The following NDNF variants were observed in gnomAD, a reference collection of about 807,000 sequenced individuals.
NDNF encodes neuron derived neurotrophic factor, also known as protein NDNF.
Under a neutral mutation model 42.0 loss-of-function variants are expected in NDNF, and 16 were observed. The ratio of observed to expected loss-of-function variants is 0.38; its 90% CI spans 0.26 to 0.58. The LOEUF (loss-of-function observed/expected upper bound fraction) is 0.58, where lower values mean the gene tolerates loss of function less well. Ranked by LOEUF, NDNF falls within the 20% of genes least tolerant of loss-of-function variation. The pLI is 0.67. For synonymous variants in NDNF, 248 were observed against 251.7 expected (o/e 0.99, Z 0.14); for missense variants, 616 against 666.2 (o/e 0.92, Z 0.83).
At chr4:121,039,794 A>C in intron 3 of NDNF, 136 bp downstream of exon 3, 1 of 960,948 alleles carries the variant, frequency 1.0e-6, no homozygotes, top group Non-Finnish European at 1.5e-6. Flanking sequence ...CACTTCCCTT[A>C]TCTCCGTCTC....
intron 2 of NDNF, among the ~76,000 whole-genome samples, chr4:121,041,348 C>A (rs931566025): frequency 6.6e-5 from 10 of 152,142 alleles, no homozygotes; most frequent in Admixed American, 6.5e-5. Context: ...GTGGATTGAA[C>A]CTCCTGGATA....
chr4:121,059,364 T>C (rs1408311707), intron 1 of NDNF, among the ~76,000 whole-genome samples: 1 of 152,196 alleles, frequency 6.6e-6, no homozygotes, highest in African/African-American at 2.4e-5. Context: ...GTTGCTGATG[T>C]GTAGAATTTG....
intron 1 of NDNF, among the ~76,000 whole-genome samples, chr4:121,051,872 A>C (rs1727200091): frequency 6.6e-6 from 1 of 152,238 alleles, no homozygotes; most frequent in Non-Finnish European, 1.5e-5. Flanking sequence ...CTTGTCTTTA[A>C]TAGTTATAGA....
chr4:121,061,101 T>G (rs577375547), intron 1 of NDNF: 1 of 152,158 alleles, frequency 6.6e-6, no homozygotes, highest in Non-Finnish European at 1.5e-5. Context: ...GAAAGTAACT[T>G]AAAAGGAACA....
intron 2 of NDNF, among the ~76,000 whole-genome samples, 190 bp from the exon 3 acceptor site, chr4:121,040,244 C>G (rs1308884320): frequency 6.6e-6 from 1 of 151,988 alleles, no homozygotes; most frequent in East Asian, 1.9e-4. Flanking sequence ...AAACATGATA[C>G]AGCATTAACT....
chr4:121,062,720 T>C (rs1304138268), intron 1 of NDNF, among the ~76,000 whole-genome samples: 1 of 152,070 alleles, frequency 6.6e-6, no homozygotes, highest in East Asian at 1.9e-4. Context: ...TTCTTTTCTC[T>C]TTTTTATTTT....
At chr4:121,067,419 C>T (rs1238386331) in intron 1 of NDNF, among the ~76,000 whole-genome samples, 2 of 151,906 alleles carry the variant, frequency 1.3e-5, no homozygotes, top group Non-Finnish European at 2.9e-5. Flanking sequence ...AATTAACAAG[C>T]GAAAACCAAG....
chr4:121,038,067 A>C, intron 3 of NDNF: 1 of 158,802 alleles, frequency 6.3e-6, no homozygotes, highest in East Asian at 1.9e-4. Context: ...ATAAAGTACC[A>C]GTAAGAATAT....
chr4:121,041,122 C>A (rs1009857668), intron 2 of NDNF, among the ~76,000 whole-genome samples: 9 of 152,196 alleles, frequency 5.9e-5, no homozygotes, highest in African/African-American at 1.9e-4. Flanking sequence ...CTACTCTGTG[C>A]TTTCCCCTGA....
intron 1 of NDNF, among the ~76,000 whole-genome samples, chr4:121,059,086 T>C (rs545193872): frequency 3.7e-4 from 57 of 152,186 alleles, no homozygotes; most frequent in Non-Finnish European, 1.3e-4. Flanking sequence ...GTGGCAAACG[T>C]CTACTCATTC....
At chr4:121,057,428 T>A (rs1353217511) in intron 1 of NDNF, among the ~76,000 whole-genome samples, 2 of 152,124 alleles carry the variant, frequency 1.3e-5, no homozygotes, top group Non-Finnish European at 1.5e-5. Flanking sequence ...CTGAGTTAAC[T>A]GCAACCATCA....
At chr4:121,039,192 G>GTATATATATATA (rs57613027) in intron 3 of NDNF, among the ~76,000 whole-genome samples, 2 of 21,552 alleles carry the variant, frequency 9.3e-5, no homozygotes, top group African/African-American at 1.5e-4. Flanking sequence ...GTGTGTGTGT[G>GTATATATATATA]TATATATATA....
intron 3 of NDNF, among the ~76,000 whole-genome samples, chr4:121,038,654 A>G (rs1726922801): frequency 6.6e-6 from 1 of 152,090 alleles, no homozygotes; most frequent in South Asian, 2.1e-4. Flanking sequence ...TCCTATTCCT[A>G]AACTATGGGA....
In NDNF at chr4:121,037,381, T is replaced by G. The variant is rs1726894396; in HGVS notation, c.590A>C (p.Lys197Thr). The change falls in exon 4 of 4, where the codon AAA (lysine) becomes ACA (threonine). Residue 197 changes from lysine (K) to threonine (T), a missense_variant. Transcript: ENST00000379692. ...CAGCAAAGAGGCAGTGGGGCTTGGT[T>G]TCCAGGCCAAAGTGACCGTGGTGCG... ...LGRTTVTLAW[K>T]PSPTASLLKQ... The G allele has an allele frequency of 6.2e-7, 1 of 1,614,014 alleles. No homozygotes were observed. Among genetic ancestry groups the G allele is most frequent in the African/African-American group, 1.3e-5 (1 of 74,906 alleles).
intron 1 of NDNF, among the ~76,000 whole-genome samples, chr4:121,050,572 C>G (rs1476235916): frequency 6.6e-6 from 1 of 152,146 alleles, no homozygotes; most frequent in Non-Finnish European, 1.5e-5. Context: ...TAGGATAATT[C>G]CAAATATTTT....
chr4:121,070,183 G>A lies in NDNF; in HGVS notation c.-2+1810C>T, dbSNP rs199982700. On this transcript the variant is annotated intron_variant, in intron 1 of 3. Transcript: ENST00000379692. The stretch of plus-strand genomic sequence containing the variant: ...AAACTCAAACCCCAGTATAAACACA[G>A]TCTGAGCGAAGGTTGCGGCCTTATT... Among the ~76,000 whole-genome samples, 4 of 152,018 alleles carry A rather than the reference G, an allele frequency of 2.6e-5. No homozygotes were observed. The East Asian group carries it at 7.8e-4, about 30-fold the overall frequency.
intron 1 of NDNF, among the ~76,000 whole-genome samples, chr4:121,050,467 T>C (rs1312808256): frequency 6.6e-6 from 1 of 152,184 alleles, no homozygotes; most frequent in Admixed American, 6.5e-5. Flanking sequence ...TTCATGGCCA[T>C]CTGGTGGATG....
chr4:121,057,453 C>CA (rs1727315990), intron 1 of NDNF, among the ~76,000 whole-genome samples: 1 of 152,138 alleles, frequency 6.6e-6, no homozygotes, highest in South Asian at 2.1e-4. Flanking sequence ...CTAAGAGGGA[C>CA]ACGCTGCCAA....
At chr4:121,053,471 T>A (rs753275977) in intron 1 of NDNF, among the ~76,000 whole-genome samples, 15 of 151,884 alleles carry the variant, frequency 9.9e-5, no homozygotes, top group South Asian at 2.1e-4. Context: ...TTAATGCCAA[T>A]GAGAAGAATA....
Sources: allele counts gnomAD v4.1 joint callset (sites outside exome capture counted in the v4.1 genomes callset), GRCh38; gene constraint gnomAD v4.1.1; transcripts MANE v1.5; gene names NCBI Gene and HGNC (gene_info 2026-07-23, HGNC 2026-07-21).